The following LPP variants were observed in gnomAD, a reference collection of about 807,000 sequenced individuals.
LPP encodes the protein lipoma-preferred partner.
Under a neutral mutation model 60.4 loss-of-function variants are expected in LPP, and 38 were observed. The ratio of observed to expected loss-of-function variants is 0.63; its 90% confidence interval spans 0.49 to 0.83. LPP has a LOEUF of 0.83. LPP is among the 40% of genes least tolerant of loss of function. The pLI is 0.00. For synonymous variants in LPP, 328 were observed against 290.8 expected (o/e 1.13, Z -1.30); for missense variants, 902 against 783.6 (o/e 1.15, Z -1.80).
chr3:188,413,903 A>G (rs1785491705), intron 4 of LPP, among the ~76,000 whole-genome samples: 1 of 152,174 alleles, frequency 6.6e-6, no homozygotes, highest in Non-Finnish European at 1.5e-5. Context: ...ACTGCCTCAC[A>G]AGATTGTTTT....
Position 188,568,211 on chromosome 3 carries a change from A to C in LPP, c.430-40950A>C, listed in dbSNP as rs1560575281. The C allele has an allele frequency of 3.9e-5, 6 of 152,176 alleles. No homozygotes were observed. The South Asian group carries it at 1.2e-3, about 32-fold the overall frequency. The allele number at this position is 152,176 out of a possible 1,614,324, so 9.4% of individuals were successfully genotyped here. ...TAATATTTTATTTTTATGAAATTTC[A>C]GTAAACATTATTGAGCAACTTGTAG... On this transcript the variant is annotated intron_variant, in intron 6 of 11. Transcript: ENST00000617246.
chr3:188,495,872 C>T (rs1810038941), intron 5 of LPP, among the ~76,000 whole-genome samples: 2 of 152,152 alleles, frequency 1.3e-5, no homozygotes, highest in Admixed American at 6.5e-5. Flanking sequence ...AGGGCACTAA[C>T]TCATATTTTA....
At chr3:188,718,661 A>G (rs1715085517) in intron 8 of LPP, among the ~76,000 whole-genome samples, 1 of 152,198 alleles carries the variant, frequency 6.6e-6, no homozygotes, top group Non-Finnish European at 1.5e-5. Flanking sequence ...TGTTCCTATC[A>G]TTCCTGGAAT....
Position 188,616,405 on chromosome 3 carries a change from G to T in LPP, c.1113+6561G>T, listed in dbSNP as rs542324345. Among the ~76,000 whole-genome samples the T allele has an allele frequency of 7.2e-5, 11 of 152,244 alleles. No individual in the cohort carries two copies. In the South Asian group the frequency reaches 2.3e-3, roughly 32 times the overall value. On this transcript the variant is annotated intron_variant, in intron 7 of 11. Coordinates refer to ENST00000617246, the MANE Select transcript of LPP (RefSeq NM_001375462.1). ...AAGATCAGATGGTTGTAGATGTGTG[G>T]TGTAATTTCTGAGGTCTCTGTTCTG...
intron 8 of LPP, among the ~76,000 whole-genome samples, chr3:188,733,473 A>C (rs1721385347): frequency 1.3e-5 from 2 of 152,184 alleles, no homozygotes; most frequent in Non-Finnish European, 1.5e-5. Context: ...TGAAAAATTA[A>C]GCCCCCCTTC....
chr3:188,511,416 A>T (rs565839098), intron 5 of LPP, among the ~76,000 whole-genome samples: 1 of 150,430 alleles, frequency 6.6e-6, no homozygotes, highest in East Asian at 2.0e-4. Flanking sequence ...AATGAAACCT[A>T]TCCTAAATGG....
intron 7 of LPP, among the ~76,000 whole-genome samples, chr3:188,638,833 G>A (rs1849417673): frequency 6.7e-6 from 1 of 149,758 alleles, no homozygotes. Flanking sequence ...TCTTCAAGGA[G>A]AACTACAAAC....
chr3:188,382,063 C>G (rs1777058066), intron 3 of LPP, among the ~76,000 whole-genome samples: 1 of 152,008 alleles, frequency 6.6e-6, no homozygotes, highest in African/African-American at 2.4e-5. Context: ...GGTGGGATTA[C>G]AGGCATAAGC....
intron 4 of LPP, among the ~76,000 whole-genome samples, chr3:188,439,886 G>A (rs776140375): frequency 1.6e-4 from 24 of 152,150 alleles, no homozygotes; most frequent in Admixed American, 9.8e-4. Context: ...ATCTGTAACC[G>A]ACATGTCTAA....
intron 4 of LPP, among the ~76,000 whole-genome samples, chr3:188,456,052 C>G (rs1208751189): frequency 6.6e-6 from 1 of 152,158 alleles, no homozygotes; most frequent in Non-Finnish European, 1.5e-5. Flanking sequence ...CCCACCACAC[C>G]TGGCTAATTT....
intron 7 of LPP, among the ~76,000 whole-genome samples, chr3:188,665,680 C>T (rs545002014): frequency 6.6e-6 from 1 of 152,096 alleles, no homozygotes; most frequent in Non-Finnish European, 1.5e-5. Flanking sequence ...CCAGGCTGGT[C>T]TCAAACTCCT....
rs576291851 is a variant in LPP, at chr3:188,522,539, T to C, written c.307-2126T>C. On this transcript the variant is annotated intron_variant, in intron 5 of 11. Transcript: ENST00000617246. ...TCAAAAATACTTACTGAACACTTATTTGGGCTAGGTCTTGAAAGAGAGTCC... is the reference window on the plus strand; with the variant it reads ...TCAAAAATACTTACTGAACACTTATCTGGGCTAGGTCTTGAAAGAGAGTCC... Among the ~76,000 whole-genome samples the C allele has an allele frequency of 1.1e-3, 162 of 152,202 alleles. 2 individuals are homozygous for C. In the South Asian group the frequency reaches 0.012, roughly 12 times the overall value.
intron 2 of LPP, among the ~76,000 whole-genome samples, chr3:188,324,786 C>T (rs371723317): frequency 2.2e-4 from 33 of 152,202 alleles, no homozygotes; most frequent in East Asian, 1.5e-3. Context: ...TTAAGCCATA[C>T]GGTGGCTGCT....
chr3:188,651,729 T>C (rs1396351148), intron 7 of LPP, among the ~76,000 whole-genome samples: 2 of 152,162 alleles, frequency 1.3e-5, no homozygotes, highest in Non-Finnish European at 2.9e-5. Context: ...ACTTATTTAC[T>C]ATCATGAGAA....
At chr3:188,469,541 A>G (rs139468547) in intron 4 of LPP, among the ~76,000 whole-genome samples, 123 of 152,290 alleles carry the variant, frequency 8.1e-4, no homozygotes, top group African/African-American at 2.9e-3. Context: ...AATCAGTTGC[A>G]CAAGGGCTTG....
intron 4 of LPP, among the ~76,000 whole-genome samples, chr3:188,462,116 C>A (rs1799087246): frequency 6.6e-6 from 1 of 152,048 alleles, no homozygotes; most frequent in South Asian, 2.1e-4. Context: ...AATAGGGCAA[C>A]ACTTCCTTTC....
At chr3:188,511,210 T>C (rs1225481046) in intron 5 of LPP, among the ~76,000 whole-genome samples, 2 of 99,944 alleles carry the variant, frequency 2.0e-5, no homozygotes, top group Non-Finnish European at 4.0e-5. Context: ...TTCCCTCCCT[T>C]CCTCCCTTCC....
chr3:188,592,557 G>GTTTTTTTTTTTTTTTTTTTTTT (rs1553936333), intron 6 of LPP, among the ~76,000 whole-genome samples: 7 of 85,786 alleles, frequency 8.2e-5, no homozygotes, highest in African/African-American at 2.7e-4. Flanking sequence ...TTTTGTTTTT[G>GTTTTTTTTTTTTTTTTTTTTTT]TTTTTTAAAT....
chr3:188,599,751 G>GGGGTGTGTGTGTGTGTGTGT (rs374294307), intron 6 of LPP, among the ~76,000 whole-genome samples: 4 of 139,828 alleles, frequency 2.9e-5, no homozygotes, highest in African/African-American at 1.1e-4. Context: ...ACTCGTTAGG[G>GGGGTGTGTGTGTGTGTGTGT]GTGTGTGTGT....
Sources: gnomAD v4.1 joint callset for allele counts (sites outside exome capture counted in the v4.1 genomes callset) on GRCh38, gnomAD v4.1.1 for gene constraint, MANE v1.5 for transcripts, NCBI Gene and HGNC (gene_info 2026-07-23, HGNC 2026-07-21) for gene names.